The following TSHR variants were observed in gnomAD, a reference collection of about 807,000 sequenced individuals.
TSHR encodes thyroid stimulating hormone receptor, also known as thyrotropin receptor.
In TSHR, 51 loss-of-function variants were observed where a neutral mutation model predicts 64.1. The observed-to-expected ratio is 0.80, with a 90% CI of 0.64 to 1.01. TSHR has a LOEUF of 1.01. Among genes scored for constraint, TSHR ranks in the 50% least tolerant of loss-of-function variants. TSHR has a pLI of 0.00. For synonymous variants in TSHR, 361 were observed against 361.9 expected (o/e 1.00, Z 0.03); for missense variants, 877 against 942.8 (o/e 0.93, Z 0.91).
At chr14:81,138,996 T>A (rs1891569733) in intron 8 of TSHR, among the ~76,000 whole-genome samples, 1 of 152,192 alleles carries the variant, frequency 6.6e-6, no homozygotes, top group South Asian at 2.1e-4. Context: ...GATGTCTACA[T>A]GTTCCCAGCC....
intron 2 of TSHR, among the ~76,000 whole-genome samples, chr14:81,064,757 G>A (rs1305507101): frequency 6.6e-6 from 1 of 152,162 alleles, no homozygotes; most frequent in East Asian, 1.9e-4. Context: ...GATTCAGGTA[G>A]AGATTGAGAG....
intron 1 of TSHR, among the ~76,000 whole-genome samples, chr14:81,039,740 T>A (rs1240097021): frequency 6.6e-6 from 1 of 151,836 alleles, no homozygotes; most frequent in Non-Finnish European, 1.5e-5. Context: ...AAAAAAAAGA[T>A]ACTTAGCAAT....
intron 8 of TSHR, among the ~76,000 whole-genome samples, chr14:81,114,772 A>ATGTCCC (rs1890412016): frequency 6.6e-6 from 1 of 152,210 alleles, no homozygotes; most frequent in African/African-American, 2.4e-5. Flanking sequence ...GCAGACTTAA[A>ATGTCCC]TGTCCCTGTC....
rs1332245352 is a variant in TSHR, at chr14:81,103,430, A to T, written c.615-4945A>T. 1 of 985,358 alleles carries T rather than the reference A, an allele frequency of 1.0e-6. No individual in the cohort carries two copies. Among genetic ancestry groups the T allele is most frequent in the Non-Finnish European group, 1.2e-6 (1 of 829,952 alleles). The allele number at this position is 985,358 out of a possible 1,614,324, so 61.0% of individuals were successfully genotyped here. ...TCATCCCCTATCATTCCACTTCATGACAATTTACTGAAATTAGCAGATCGA... is the reference window on the plus strand; with the variant it reads ...TCATCCCCTATCATTCCACTTCATGTCAATTTACTGAAATTAGCAGATCGA... On this transcript the variant is annotated intron_variant, in intron 7 of 9. Coordinates refer to ENST00000298171, the MANE Select transcript of TSHR (RefSeq NM_000369.5). The surrounding 1 kb of genome is among the most constrained non-coding windows in gnomAD (Gnocchi z 4.1).
At chr14:81,003,350 A>AT (rs1194505425) in intron 1 of TSHR, 1 of 152,466 alleles carries the variant, frequency 6.6e-6, no homozygotes, top group Admixed American at 6.5e-5. Flanking sequence ...TGACTGCCAC[A>AT]TTTTATCATT....
At chr14:81,116,551 A>T (rs1222092208) in intron 8 of TSHR, among the ~76,000 whole-genome samples, 1 of 141,228 alleles carries the variant, frequency 7.1e-6, no homozygotes, top group Admixed American at 6.9e-5. Context: ...GTGACCTACA[A>T]AGAGACTTAG....
At chr14:81,121,171 T>C (rs1467929103) in intron 8 of TSHR, among the ~76,000 whole-genome samples, 2 of 148,962 alleles carry the variant, frequency 1.3e-5, no homozygotes, top group African/African-American at 5.1e-5. Flanking sequence ...GGAGAACCCA[T>C]ATGGCAAAAA....
intron 8 of TSHR, among the ~76,000 whole-genome samples, chr14:81,109,465 C>T (rs1242939688): frequency 1.3e-5 from 2 of 151,954 alleles, no homozygotes; most frequent in African/African-American, 4.8e-5. Flanking sequence ...GAACACAGCA[C>T]CGTAGAGATA....
At chr14:80,970,672 C>G (rs1887546094) in intron 1 of TSHR, among the ~76,000 whole-genome samples, 1 of 152,186 alleles carries the variant, frequency 6.6e-6, no homozygotes, top group Non-Finnish European at 1.5e-5. Context: ...TCTTGTAGGT[C>G]CTACCTGAAA....
intron 8 of TSHR, among the ~76,000 whole-genome samples, chr14:81,127,558 A>T (rs971072526): frequency 6.6e-6 from 1 of 152,066 alleles, no homozygotes; most frequent in Non-Finnish European, 1.5e-5. Context: ...CCCAAATCTC[A>T]TCTTGAATTT....
At chr14:80,999,926 C>CTTTTTTTTTTTTTTTTTTTTTTTTTTTTT in intron 1 of TSHR, among the ~76,000 whole-genome samples, 1 of 142,872 alleles carries the variant, frequency 7.0e-6, no homozygotes, top group Admixed American at 7.3e-5. Flanking sequence ...AATTTTTTTT[C>CTTTTTTTTTTTTTTTTTTTTTTTTTTTTT]TTTTTTTTCT....
rs756468029 is a variant in TSHR, at chr14:81,143,897, C to G, written c.1839C>G (p.Tyr613Ter). ...KIYITVRNPQ[Y>*]NPGDKDTKIA... is the part of the protein sequence containing the mutation. ...ACATCACAGTCCGAAATCCGCAGTACAACCCAGGGGACAAAGATACCAAAA... is the reference window on the plus strand; with the variant it reads ...ACATCACAGTCCGAAATCCGCAGTAGAACCCAGGGGACAAAGATACCAAAA... The change falls in exon 10 of 10, where the codon TAC (tyrosine) becomes TAG (stop). Residue 613 changes from tyrosine (Y) to a stop codon, truncating the protein, a stop_gained. Transcript: ENST00000298171. LOFTEE classifies it high-confidence loss of function. The G allele has an allele frequency of 1.2e-6, 2 of 1,614,074 alleles. No homozygotes were observed. Among genetic ancestry groups the G allele is most frequent in the African/African-American group, 2.7e-5 (2 of 74,920 alleles).
intron 1 of TSHR, among the ~76,000 whole-genome samples, chr14:80,999,936 T>TTTTC (rs1303636496): frequency 2.9e-5 from 4 of 139,480 alleles, no homozygotes; most frequent in African/African-American, 1.1e-4. Flanking sequence ...CTTTTTTTTC[T>TTTTC]TTTTTTTTTT....
At chr14:81,077,881 A>G (rs1887613396) in intron 3 of TSHR, among the ~76,000 whole-genome samples, 1 of 152,188 alleles carries the variant, frequency 6.6e-6, no homozygotes, top group Non-Finnish European at 1.5e-5. Context: ...AAATTATGAC[A>G]TGCATCCTTA....
At chr14:80,991,064 T>C (rs774257839) in intron 1 of TSHR, among the ~76,000 whole-genome samples, 3 of 152,240 alleles carry the variant, frequency 2.0e-5, no homozygotes, top group Non-Finnish European at 4.4e-5. Flanking sequence ...AAGAATTATG[T>C]GCAAATCCAT....
chr14:81,131,365 C>T (rs978881169), intron 8 of TSHR, among the ~76,000 whole-genome samples: 2 of 152,176 alleles, frequency 1.3e-5, no homozygotes, highest in Non-Finnish European at 2.9e-5. Flanking sequence ...GCCTTACTCA[C>T]TTTGGTAACT....
At chr14:81,065,996 A>G (rs564621357) in intron 2 of TSHR, among the ~76,000 whole-genome samples, 1 of 152,194 alleles carries the variant, frequency 6.6e-6, no homozygotes, top group East Asian at 1.9e-4. Context: ...TTAAATGCGA[A>G]GAAGAAGTAG....
At chr14:80,985,329 G>A (rs575553920) in intron 1 of TSHR, among the ~76,000 whole-genome samples, 35 of 152,282 alleles carry the variant, frequency 2.3e-4, no homozygotes, top group African/African-American at 8.2e-4. Context: ...TATCATTTGT[G>A]ATTTATTCTC....
At chr14:80,964,657 C>T (rs1294121783) in intron 1 of TSHR, among the ~76,000 whole-genome samples, 1 of 152,192 alleles carries the variant, frequency 6.6e-6, no homozygotes, top group Admixed American at 6.5e-5. Flanking sequence ...ATTTCTGAGA[C>T]TCTATAACTT....
Sources: allele counts gnomAD v4.1 joint callset (sites outside exome capture counted in the v4.1 genomes callset), GRCh38; gene constraint gnomAD v4.1.1; non-coding constraint Gnocchi (gnomAD v3.1); transcripts MANE v1.5; gene names NCBI Gene and HGNC (gene_info 2026-07-23, HGNC 2026-07-21).